The following ZNF407 variants were observed in gnomAD, a reference collection of about 807,000 sequenced individuals.
The protein encoded by ZNF407 is zinc finger protein 407.
Under a neutral mutation model 131.2 loss-of-function variants are expected in ZNF407, and 17 were observed. The ratio of observed to expected loss-of-function variants is 0.13; its 90% CI spans 0.09 to 0.19. ZNF407 has a LOEUF of 0.19. ZNF407 is among the 10% of genes least tolerant of loss of function. ZNF407 has a pLI of 1.00. For synonymous variants in ZNF407, 1,156 were observed against 1,062.0 expected, an observed-to-expected ratio of 1.09 and a Z score of -1.72; for missense variants, 2,681 against 2,830.6, an observed-to-expected ratio of 0.95 and a Z score of 1.20.
chr18:74,844,866 T>A (rs1193722726), intron 4 of ZNF407, among the ~76,000 whole-genome samples: 1 of 152,170 alleles, frequency 6.6e-6, no homozygotes, highest in African/African-American at 2.4e-5. Context: ...TCATCCTTGA[T>A]GCGTCTGCCC....
intron 3 of ZNF407, among the ~76,000 whole-genome samples, chr18:74,646,877 A>G (rs770459234): frequency 1.8e-4 from 28 of 152,176 alleles, no homozygotes; most frequent in Admixed American, 5.9e-4. Flanking sequence ...TCTTGTCTCC[A>G]TTATATCCTG....
intron 3 of ZNF407, among the ~76,000 whole-genome samples, chr18:74,738,346 G>GAATACAAAAACTTAGCTGGGT (rs1568190837): frequency 1.5e-4 from 22 of 142,970 alleles, no homozygotes; most frequent in African/African-American, 5.7e-4. Context: ...CTTGAACCCG[G>GAATACAAAAACTTAGCTGGGT]GAGGCGGAGG....
At chr18:74,936,029 G>A (rs2145261901) in intron 8 of ZNF407, among the ~76,000 whole-genome samples, 1 of 152,192 alleles carries the variant, frequency 6.6e-6, no homozygotes, top group East Asian at 1.9e-4. Context: ...AGTAATTTTG[G>A]TTTTAGATAT....
chr18:74,860,845 A>G (rs1295856115), intron 4 of ZNF407, among the ~76,000 whole-genome samples: 1 of 152,168 alleles, frequency 6.6e-6, no homozygotes, highest in Non-Finnish European at 1.5e-5. Flanking sequence ...ATTATAAGAC[A>G]TGGCAGCTGT....
intron 3 of ZNF407, among the ~76,000 whole-genome samples, chr18:74,773,024 T>C (rs988033784): frequency 1.3e-5 from 2 of 152,154 alleles, no homozygotes; most frequent in African/African-American, 4.8e-5. Flanking sequence ...CATGACTGAA[T>C]GTTGGACGTG....
At chr18:74,608,716 G>A (rs1242536437) in intron 1 of ZNF407, among the ~76,000 whole-genome samples, 1 of 152,152 alleles carries the variant, frequency 6.6e-6, no homozygotes, top group Non-Finnish European at 1.5e-5. Context: ...TTATTTTGTA[G>A]AATGTCCCTC....
At chr18:74,957,787 T>G (rs182382088) in intron 8 of ZNF407, among the ~76,000 whole-genome samples, 56 of 152,310 alleles carry the variant, frequency 3.7e-4, no homozygotes, top group Non-Finnish European at 1.5e-5. Context: ...GTACAGATCT[T>G]CAAGATGTAA....
At chr18:74,769,726 CTA>C in intron 3 of ZNF407, among the ~76,000 whole-genome samples, 1 of 152,258 alleles carries the variant, frequency 6.6e-6, no homozygotes, top group Non-Finnish European at 1.5e-5. Context: ...AGCGCCTAGA[CTA>C]GATGCGGGTT....
In ZNF407 at chr18:75,063,612, T is replaced by A; in HGVS notation, c.5891T>A (p.Ile1964Lys). ...DESLSPGGAV[I>K]QQVTKQEILN... ...TCCCTCAGTCCAGGTGGCGCTGTGA[T>A]ACAACAGGTGACCAAGCAGGAGATT... Residue 1964 changes from isoleucine to lysine, a missense_variant, in exon 9 of 9, where the codon ATA (isoleucine) becomes AAA (lysine). Physicochemically the swap from Ile to Lys is moderately radical, Grantham distance 102 (BLOSUM62 -3). Coordinates refer to ENST00000299687, the MANE Select transcript of ZNF407 (RefSeq NM_017757.3). This position sits in a 1 kb window ranked among gnomAD's most constrained non-coding sequence, Gnocchi z 6.6. 1 of 1,580,464 alleles carries A rather than the reference T, an allele frequency of 6.3e-7. No individual in the cohort carries two copies.
At chr18:74,707,433 G>T (rs529274768) in intron 3 of ZNF407, among the ~76,000 whole-genome samples, 3 of 151,944 alleles carry the variant, frequency 2.0e-5, no homozygotes, top group East Asian at 1.9e-4. Context: ...GGATTTTGAG[G>T]TTTTTTTTGA....
intron 4 of ZNF407, among the ~76,000 whole-genome samples, chr18:74,852,757 G>GA (rs879272718): frequency 6.6e-6 from 1 of 152,132 alleles, no homozygotes. Flanking sequence ...AGGCTGTTCT[G>GA]AAAAATGAGT....
chr18:74,754,588 G>A (rs1968884875), intron 3 of ZNF407, among the ~76,000 whole-genome samples: 1 of 152,102 alleles, frequency 6.6e-6, no homozygotes, highest in African/African-American at 2.4e-5. Flanking sequence ...CTTTATTTCT[G>A]CCTTCATTTT....
intron 4 of ZNF407, among the ~76,000 whole-genome samples, chr18:74,866,442 A>C (rs1971011437): frequency 6.6e-6 from 1 of 152,182 alleles, no homozygotes. Flanking sequence ...AGACAATGAA[A>C]TGCCTAAGTG....
At chr18:74,826,823 A>G (rs1599179971) in intron 4 of ZNF407, among the ~76,000 whole-genome samples, 2 of 152,304 alleles carry the variant, frequency 1.3e-5, no homozygotes, top group Admixed American at 1.3e-4. Context: ...TTCTAGAGCA[A>G]TTCCCCGTCT....
At chr18:75,010,051 G>A (rs1466621440) in intron 8 of ZNF407, among the ~76,000 whole-genome samples, 4 of 152,170 alleles carry the variant, frequency 2.6e-5, no homozygotes, top group Non-Finnish European at 5.9e-5. Context: ...AGTGGGAAAA[G>A]AAAACATTAT....
chr18:74,824,765 G>A (rs1970386607), intron 4 of ZNF407, among the ~76,000 whole-genome samples: 3 of 152,178 alleles, frequency 2.0e-5, no homozygotes, highest in Non-Finnish European at 4.4e-5. Flanking sequence ...CGGATTCACA[G>A]CCGAATTCTA....
rs745695645 is a variant in ZNF407 at position 74,635,375 on chromosome 18, G to A, written c.4356G>A (p.Ser1452=). Residue 1452 remains serine (S), a synonymous_variant, in exon 2 of 9, where the codon TCG becomes TCA. Coordinates refer to ENST00000299687, the MANE Select transcript of ZNF407 (RefSeq NM_017757.3). This position sits in a 1 kb window ranked among gnomAD's most constrained non-coding sequence, Gnocchi z 4.7. ...TCCATTGTTTACTCTGTGGAAAGTC[G>A]TTCTATACCGAAAGCAACCTTCACC... is the stretch of plus-strand genomic sequence containing the variant. The part of the protein sequence containing the change: ...KHFHCLLCGK[S]FYTESNLHQH... 48 of 1,613,932 alleles carry A rather than the reference G, an allele frequency of 3.0e-5. No individual in the cohort carries two copies. Among genetic ancestry groups the A allele is most frequent in the South Asian group, 2.2e-4 (20 of 91,070 alleles).
rs189841263 is a variant in ZNF407, at chr18:74,808,633, A to G, written c.4877+27131A>G. On this transcript the variant is annotated intron_variant, in intron 4 of 8. Coordinates refer to ENST00000299687, the MANE Select transcript of ZNF407 (RefSeq NM_017757.3). ...TGTGGGGCTTACAAATAGAGTTCTA[A>G]TGATTATTAGCTATATTGCTTAAAC... is the stretch of plus-strand genomic sequence containing the variant. 2.6e-3 allele frequency among the ~76,000 whole-genome samples: 401 copies of G among 152,328 alleles called. 4 individuals are homozygous for G. Among genetic ancestry groups the G allele is most frequent in the African/African-American group, 9.1e-3 (379 of 41,586 alleles).
chr18:74,723,968 T>C (rs1009057842), intron 3 of ZNF407, among the ~76,000 whole-genome samples: 6 of 151,992 alleles, frequency 3.9e-5, no homozygotes, highest in African/African-American at 1.5e-4. Flanking sequence ...TTTGGCAGAA[T>C]CTCATTACTT....
Sources: allele counts gnomAD v4.1 joint callset (sites outside exome capture counted in the v4.1 genomes callset), GRCh38; gene constraint gnomAD v4.1.1; non-coding constraint Gnocchi (gnomAD v3.1); transcripts MANE v1.5; gene names NCBI Gene and HGNC (gene_info 2026-07-23, HGNC 2026-07-21).